Variants in CDH13 observed in about 807,000 individuals in gnomAD.
The protein encoded by CDH13 is cadherin 13.
A neutral mutation model predicts 63.8 loss-of-function variants in CDH13; 24 were observed. The ratio of observed to expected loss-of-function variants is 0.38; its 90% confidence interval spans 0.27 to 0.53. CDH13 has a LOEUF of 0.53. CDH13 is among the 20% of genes least tolerant of loss of function. CDH13 has a pLI of 0.85. For missense variants in CDH13, 1,049 were observed against 903.1 expected, an observed-to-expected ratio of 1.16 and a Z score of -2.07; for synonymous variants, 503 against 355.3, an observed-to-expected ratio of 1.42 and a Z score of -4.67.
intron 5 of CDH13, among the ~76,000 whole-genome samples, chr16:83,228,349 A>T (rs1368928245): frequency 3.3e-5 from 5 of 152,130 alleles, no homozygotes; most frequent in Non-Finnish European, 7.4e-5. Flanking sequence ...GGCCACTCAG[A>T]GGGTCTAAAA....
intron 6 of CDH13, among the ~76,000 whole-genome samples, chr16:83,418,229 T>G (rs1223415222): frequency 2.0e-5 from 3 of 152,162 alleles, no homozygotes; most frequent in Non-Finnish European, 4.4e-5. Context: ...TTTTTATATG[T>G]GATTATTTGG....
chr16:82,991,914 C>T (rs759949501), intron 2 of CDH13, among the ~76,000 whole-genome samples: 1 of 151,854 alleles, frequency 6.6e-6, no homozygotes, highest in Non-Finnish European at 1.5e-5. Context: ...AGAAATTTAC[C>T]AGAACTTTTT....
At position 82,725,284 on chromosome 16, in the gene CDH13, T is replaced by C. The variant is rs189232508; in HGVS notation, c.45+98147T>C. On this transcript the variant is annotated intron_variant, in intron 1 of 13. Coordinates refer to ENST00000567109, the MANE Select transcript of CDH13 (RefSeq NM_001257.5). ...TCGTTATTGTCTCTCAAGTTCTGAA[T>C]TGTCCCAGCTCTATCACCAAACCAG... Among the ~76,000 whole-genome samples, 13 of 152,314 alleles carry C rather than the reference T, an allele frequency of 8.5e-5. No individual in the cohort carries two copies. The East Asian group carries it at 2.3e-3, about 27-fold the overall frequency.
At chr16:83,673,516 C>G (rs1567505361) in intron 9 of CDH13, among the ~76,000 whole-genome samples, 1 of 152,110 alleles carries the variant, frequency 6.6e-6, no homozygotes, top group Non-Finnish European at 1.5e-5. Context: ...TCTCGATGGA[C>G]TAGTGACTAC....
At chr16:83,224,746 C>T (rs376978971) in intron 5 of CDH13, among the ~76,000 whole-genome samples, 1 of 152,152 alleles carries the variant, frequency 6.6e-6, no homozygotes, top group East Asian at 1.9e-4. Flanking sequence ...TACTTCTCAG[C>T]CTCTGTTTTC....
intron 3 of CDH13, among the ~76,000 whole-genome samples, chr16:83,083,559 CA>C (rs1401043738): frequency 6.6e-6 from 1 of 152,168 alleles, no homozygotes; most frequent in Non-Finnish European, 1.5e-5. Flanking sequence ...CAAAACACAT[CA>C]GCCCCACCGA....
rs1462138848 is a variant in CDH13, at chr16:83,241,640, T to C, written c.636+24143T>C. Among the ~76,000 whole-genome samples, 7 of 152,318 alleles carry C rather than the reference T, an allele frequency of 4.6e-5. No individual in the cohort carries two copies. In the East Asian group the frequency reaches 1.4e-3, roughly 29 times the overall value. On this transcript the variant is annotated intron_variant, in intron 5 of 13. Transcript: ENST00000567109. The stretch of plus-strand genomic sequence containing the variant: ...CCATTTGTATAACTTCCTTGGAGAA[T>C]TATCTATTCAGGCCCCTTGCCCATT...
intron 1 of CDH13, among the ~76,000 whole-genome samples, chr16:82,739,198 A>T (rs1418136070): frequency 1.3e-5 from 2 of 149,990 alleles, no homozygotes; most frequent in Non-Finnish European, 3.0e-5. Context: ...ATGTGATTTT[A>T]CTATTATATT....
chr16:83,148,987 A>G (rs1357233916), intron 4 of CDH13, among the ~76,000 whole-genome samples: 1 of 152,234 alleles, frequency 6.6e-6, no homozygotes, highest in African/African-American at 2.4e-5. Context: ...CCCCAAATGT[A>G]TCATAAAATT....
At chr16:82,906,387 G>A (rs564593866) in intron 2 of CDH13, among the ~76,000 whole-genome samples, 1 of 152,240 alleles carries the variant, frequency 6.6e-6, no homozygotes, top group East Asian at 1.9e-4. Flanking sequence ...CCACATCAAA[G>A]CTCCGGCAAT....
intron 7 of CDH13, among the ~76,000 whole-genome samples, chr16:83,548,416 C>A (rs1369154961): frequency 6.6e-6 from 1 of 152,142 alleles, no homozygotes; most frequent in Non-Finnish European, 1.5e-5. Flanking sequence ...ATGCAAAGGG[C>A]AGCCCCTCCC....
chr16:82,689,978 C>T (rs564865729), intron 1 of CDH13, among the ~76,000 whole-genome samples: 69 of 24,120 alleles, frequency 2.9e-3, no homozygotes, highest in Non-Finnish European at 4.5e-3. Context: ...AACGCCATCT[C>T]TACTAAAAAA....
intron 7 of CDH13, among the ~76,000 whole-genome samples, chr16:83,557,846 A>G (rs549846220): frequency 6.6e-6 from 1 of 152,294 alleles, no homozygotes; most frequent in East Asian, 1.9e-4. Context: ...AGAGGCAATT[A>G]GGGCACATGC....
In CDH13 at chr16:82,824,889, A is replaced by G. The variant is rs182532648; in HGVS notation, c.46-33473A>G. 1.1e-3 allele frequency: 164 copies of G among 152,346 alleles called. 2 individuals carry two copies. The highest frequency in any genetic ancestry group is 3.8e-3 in the African/African-American group (158 of 41,584). 9.4% of individuals were successfully genotyped at this position (152,346 alleles called of 1,614,324 possible). On this transcript the variant is annotated intron_variant, in intron 1 of 13. Transcript: ENST00000567109. ...CTGCCATTTAGAAATTCTCATTAGT[A>G]TTTGTTCAGTTATGATAATGCATGC... is the stretch of plus-strand genomic sequence containing the variant.
intron 4 of CDH13, among the ~76,000 whole-genome samples, chr16:83,192,678 A>C (rs1303893711): frequency 6.6e-6 from 1 of 152,280 alleles, no homozygotes; most frequent in East Asian, 1.9e-4. Flanking sequence ...GAGATGGAGC[A>C]GGTGTTTGCG....
chr16:83,035,135 G>A (rs1331433888), intron 3 of CDH13, among the ~76,000 whole-genome samples: 2 of 152,122 alleles, frequency 1.3e-5, no homozygotes, highest in East Asian at 3.9e-4. Context: ...AAAATAGATA[G>A]CAAAAGAATC....
intron 7 of CDH13, among the ~76,000 whole-genome samples, chr16:83,491,838 C>T (rs188297444): frequency 3.3e-5 from 5 of 152,068 alleles, no homozygotes; most frequent in East Asian, 2.0e-4. Flanking sequence ...CAGCTGGTAA[C>T]GCACTTTCTG....
intron 6 of CDH13, among the ~76,000 whole-genome samples, chr16:83,470,839 A>C (rs928800935): frequency 6.6e-6 from 1 of 152,268 alleles, no homozygotes; most frequent in African/African-American, 2.4e-5. Context: ...AAAATGTGCA[A>C]ATTTATCTTT....
rs752447422 is a variant in CDH13 at position 82,711,595 on chromosome 16, C to G, written c.45+84458C>G. Among the ~76,000 whole-genome samples the G allele has an allele frequency of 3.2e-4, 49 of 152,186 alleles. 1 individual carries two copies. The highest frequency in any genetic ancestry group is 6.5e-5 in the Admixed American group (1 of 15,288). On this transcript the variant is annotated intron_variant, in intron 1 of 13. Coordinates refer to ENST00000567109, the MANE Select transcript of CDH13 (RefSeq NM_001257.5). Reference sequence around the variant, plus strand: ...TAGACCTACCTTCTTATTGCACAGACAAAGACACTGAGATCCAGAGACATT... The same window carrying G: ...TAGACCTACCTTCTTATTGCACAGAGAAAGACACTGAGATCCAGAGACATT...
Sources: gnomAD v4.1 joint callset for allele counts (sites outside exome capture counted in the v4.1 genomes callset) on GRCh38, gnomAD v4.1.1 for gene constraint, MANE v1.5 for transcripts, NCBI Gene and HGNC (gene_info 2026-07-23, HGNC 2026-07-21) for gene names.